Variants in DLGAP1 observed in about 807,000 individuals in gnomAD.
DLGAP1 encodes disks large-associated protein 1.
A neutral mutation model predicts 90.8 loss-of-function variants in DLGAP1; 11 were observed. The ratio of observed to expected loss-of-function variants is 0.12; its 90% CI spans 0.08 to 0.20. The LOEUF (loss-of-function observed/expected upper bound fraction) is 0.20, where lower values mean the gene tolerates loss of function less well. Among genes scored for constraint, DLGAP1 ranks in the 10% least tolerant of loss-of-function variants. The pLI is 1.00. For missense variants in DLGAP1, 1,050 were observed against 1,333.8 expected (o/e 0.79, Z 3.31); for synonymous variants, 558 against 540.7 (o/e 1.03, Z -0.44).
At chr18:3,501,425 G>A (rs990522567) in intron 12 of DLGAP1, among the ~76,000 whole-genome samples, 2 of 152,130 alleles carry the variant, frequency 1.3e-5, no homozygotes, top group Admixed American at 6.6e-5. Flanking sequence ...TACATCAACA[G>A]TACTTTCCAA....
At chr18:3,822,300 T>C (rs914017675) in intron 4 of DLGAP1, among the ~76,000 whole-genome samples, 15 of 152,328 alleles carry the variant, frequency 9.8e-5, no homozygotes, top group African/African-American at 1.9e-4. Flanking sequence ...CTTGAAAGAA[T>C]AGAACATTGT....
At chr18:3,769,194 GAT>G (rs2064398386) in intron 5 of DLGAP1, among the ~76,000 whole-genome samples, 1 of 152,090 alleles carries the variant, frequency 6.6e-6, no homozygotes, top group African/African-American at 2.4e-5. Context: ...TTCACAATAA[GAT>G]AGTACTCCAC....
intron 2 of DLGAP1, among the ~76,000 whole-genome samples, chr18:4,146,658 T>C (rs1271180352): frequency 1.3e-5 from 2 of 152,138 alleles, no homozygotes; most frequent in Non-Finnish European, 2.9e-5. Context: ...AGCTTTACTA[T>C]TAGGCAAACC....
At chr18:4,027,824 C>T (rs1598264078) in intron 2 of DLGAP1, among the ~76,000 whole-genome samples, 1 of 152,212 alleles carries the variant, frequency 6.6e-6, no homozygotes, top group Admixed American at 6.5e-5. Context: ...ATTTGCTTTC[C>T]AGCTCAGCAG....
At chr18:3,806,428 C>T (rs780057778) in intron 5 of DLGAP1, among the ~76,000 whole-genome samples, 2 of 152,106 alleles carry the variant, frequency 1.3e-5, no homozygotes, top group Admixed American at 6.6e-5. Context: ...TTTTTCTCTT[C>T]CACTTGACTC....
intron 7 of DLGAP1, among the ~76,000 whole-genome samples, chr18:3,609,072 G>T (rs769947591): frequency 1.3e-5 from 2 of 152,024 alleles, no homozygotes; most frequent in Non-Finnish European, 2.9e-5. Flanking sequence ...CTGAACTCAA[G>T]TGAGCCTCGG....
chr18:4,410,221 G>A (rs923446786), intron 1 of DLGAP1, among the ~76,000 whole-genome samples: 1 of 152,098 alleles, frequency 6.6e-6, no homozygotes, highest in African/African-American at 2.4e-5. Flanking sequence ...CTTGGGTGAT[G>A]GGTGCACCAG....
intron 3 of DLGAP1, among the ~76,000 whole-genome samples, chr18:4,004,852 T>C (rs923333674): frequency 6.6e-6 from 1 of 152,126 alleles, no homozygotes; most frequent in African/African-American, 2.4e-5. Context: ...TTTCTTTCTA[T>C]ATTATGGTTC....
chr18:3,516,944 T>A (rs1162863112), intron 10 of DLGAP1, among the ~76,000 whole-genome samples: 2 of 152,310 alleles, frequency 1.3e-5, no homozygotes, highest in East Asian at 3.9e-4. Flanking sequence ...AACTTTCATC[T>A]CCATGTACAT....
At chr18:4,171,907 C>T (rs555600265) in intron 1 of DLGAP1, among the ~76,000 whole-genome samples, 13 of 152,238 alleles carry the variant, frequency 8.5e-5, no homozygotes, top group Middle Eastern at 3.4e-3. Context: ...GCGTCTTGTC[C>T]TGTTTAAATA....
At chr18:4,137,006 C>A (rs1391426971) in intron 2 of DLGAP1, among the ~76,000 whole-genome samples, 2 of 152,164 alleles carry the variant, frequency 1.3e-5, no homozygotes, top group African/African-American at 4.8e-5. Flanking sequence ...CCCATTAACT[C>A]GTCATTTAAC....
In DLGAP1 at chr18:3,834,088, T is replaced by C. The variant is rs570272911; in HGVS notation, c.958-19815A>G. On this transcript the variant is annotated intron_variant, in intron 4 of 12. Transcript: ENST00000315677. ...TTGGGAGGCCGAGGCGGGTGGATCA[T>C]GAGGTCAGGAGATCCAGACTATCCT... is the stretch of plus-strand genomic sequence containing the variant. 1.2e-3 allele frequency among the ~76,000 whole-genome samples: 177 copies of C among 152,098 alleles called. 1 individual carries two copies. The South Asian group carries it at 0.014, about 12-fold the overall frequency.
intron 1 of DLGAP1, among the ~76,000 whole-genome samples, chr18:4,412,150 A>T (rs1461605195): frequency 6.6e-6 from 1 of 152,124 alleles, no homozygotes; most frequent in Non-Finnish European, 1.5e-5. Flanking sequence ...ATGATGAGGG[A>T]AACTGGACAT....
chr18:3,619,617 T>C (rs544595195), intron 7 of DLGAP1, among the ~76,000 whole-genome samples: 14 of 152,276 alleles, frequency 9.2e-5, no homozygotes, highest in Admixed American at 5.9e-4. Context: ...CCAGTCTCTT[T>C]GACTTTTCCC....
At chr18:4,184,805 T>C (rs2077265115) in intron 1 of DLGAP1, among the ~76,000 whole-genome samples, 1 of 152,146 alleles carries the variant, frequency 6.6e-6, no homozygotes, top group Non-Finnish European at 1.5e-5. Context: ...ACATCTCTGA[T>C]GGATGAAGGA....
chr18:4,448,376 G>A (rs16946835), intron 1 of DLGAP1, among the ~76,000 whole-genome samples: 1 of 152,042 alleles, frequency 6.6e-6, no homozygotes, highest in Non-Finnish European at 1.5e-5. Context: ...GTACCCAGGA[G>A]ATGTTACAAA....
At chr18:4,105,008 C>T (rs1171578156) in intron 2 of DLGAP1, among the ~76,000 whole-genome samples, 2 of 152,082 alleles carry the variant, frequency 1.3e-5, no homozygotes, top group East Asian at 1.9e-4. Flanking sequence ...GATTGAAACA[C>T]GCACACACAC....
At chr18:3,771,237 C>A (rs2064519319) in intron 5 of DLGAP1, 1 of 152,286 alleles carries the variant, frequency 6.6e-6, no homozygotes, top group South Asian at 2.1e-4. Flanking sequence ...GCTGCGGTCC[C>A]ATGGCTGAGA....
chr18:4,289,033 A>G (rs2079780047), intron 1 of DLGAP1, among the ~76,000 whole-genome samples: 1 of 152,108 alleles, frequency 6.6e-6, no homozygotes, highest in Non-Finnish European at 1.5e-5. Context: ...CAAATATGAA[A>G]ATGAAAACGG....
Sources: gnomAD v4.1 joint callset for allele counts (sites outside exome capture counted in the v4.1 genomes callset) on GRCh38, gnomAD v4.1.1 for gene constraint, MANE v1.5 for transcripts, NCBI Gene and HGNC (gene_info 2026-07-23, HGNC 2026-07-21) for gene names.